Variants in KYAT1 observed in about 807,000 individuals in gnomAD.
KYAT1 encodes kynurenine--oxoglutarate transaminase 1.
In KYAT1, 47 loss-of-function variants were observed where a neutral mutation model predicts 52.4. The observed-to-expected ratio is 0.90, with a 90% CI of 0.71 to 1.14. KYAT1 has a LOEUF of 1.14. Ranked by LOEUF, KYAT1 falls within the 50% of genes most tolerant of loss-of-function variation. KYAT1 has a pLI of 0.00. For synonymous variants in KYAT1, 212 were observed against 209.6 expected, an observed-to-expected ratio of 1.01 and a Z score of -0.10; for missense variants, 480 against 557.9, an observed-to-expected ratio of 0.86 and a Z score of 1.41.
At chr9:128,856,489 T>C (rs918706427) in intron 1 of KYAT1, among the ~76,000 whole-genome samples, 17 of 152,172 alleles carry the variant, frequency 1.1e-4, no homozygotes, top group Admixed American at 2.6e-4. Flanking sequence ...TGTTACTGTG[T>C]CTATGTAGAA....
chr9:128,837,060 G>A (rs866875353), intron 6 of KYAT1, 138 bp from the exon 7 acceptor site: 8 of 1,070,016 alleles, frequency 7.5e-6, no homozygotes, highest in East Asian at 5.3e-5. Context: ...TTGGGAGGCC[G>A]AGGCGGGCGG....
At chr9:128,871,024 T>G (rs1204391737) in intron 1 of KYAT1, among the ~76,000 whole-genome samples, 3 of 152,036 alleles carry the variant, frequency 2.0e-5, no homozygotes, top group Non-Finnish European at 4.4e-5. Context: ...ATTTTTTAAA[T>G]TGTAGAGACA....
At chr9:128,880,917 T>C (rs1281559088) in intron 1 of KYAT1, among the ~76,000 whole-genome samples, 1 of 152,162 alleles carries the variant, frequency 6.6e-6, no homozygotes, top group Non-Finnish European at 1.5e-5. Flanking sequence ...GTGCACATGG[T>C]AGTAAATTTC....
rs1233303607 is a variant in KYAT1, at chr9:128,837,565, T to C, written c.567+120A>G. 7 of 1,184,592 alleles carry C rather than the reference T, an allele frequency of 5.9e-6. No homozygotes were observed. The Admixed American group carries it at 6.3e-5, about 11-fold the overall frequency. 73.4% of individuals were successfully genotyped at this position (1,184,592 alleles called of 1,614,324 possible). A position where few individuals can be genotyped will look rare whatever the true frequency, so the allele number is the denominator to read the frequency against. On this transcript the variant is annotated intron_variant, in intron 6 of 12. Transcript: ENST00000302586. ...CTGGAGTCTTGGTCCTCAGTGCTCA[T>C]TGTGTGTGGCCCTCCCACACACAAA...
At chr9:128,880,297 G>A (rs1838629410) in intron 1 of KYAT1, among the ~76,000 whole-genome samples, 1 of 152,142 alleles carries the variant, frequency 6.6e-6, no homozygotes, top group Non-Finnish European at 1.5e-5. Context: ...AATAGTTACT[G>A]GATGCCTGTT....
intron 1 of KYAT1, among the ~76,000 whole-genome samples, chr9:128,870,345 C>G (rs932322563): frequency 3.3e-5 from 5 of 152,102 alleles, no homozygotes; most frequent in Non-Finnish European, 2.9e-5. Flanking sequence ...TTAGATGAAC[C>G]TCAAAAATAT....
At chr9:128,847,632 C>T (rs1177797694) in intron 1 of KYAT1, 1 of 619,198 alleles carries the variant, frequency 1.6e-6, no homozygotes, top group Non-Finnish European at 2.8e-6. Context: ...CTTGGGTCCC[C>T]CACACACAGC....
At chr9:128,857,225 T>C (rs146038788) in intron 1 of KYAT1, among the ~76,000 whole-genome samples, 1 of 152,214 alleles carries the variant, frequency 6.6e-6, no homozygotes, top group East Asian at 1.9e-4. Context: ...TTCTCCTTAT[T>C]ATCACCCTGC....
chr9:128,855,345 G>A (rs1389961450), intron 1 of KYAT1, among the ~76,000 whole-genome samples: 4 of 152,174 alleles, frequency 2.6e-5, no homozygotes, highest in Non-Finnish European at 5.9e-5. Context: ...TGGAAATGGG[G>A]TGAAAAGGGG....
At chr9:128,851,588 A>C (rs576106785) in intron 1 of KYAT1, among the ~76,000 whole-genome samples, 4 of 152,362 alleles carry the variant, frequency 2.6e-5, no homozygotes, top group African/African-American at 9.6e-5. Flanking sequence ...CAAGTAGGGA[A>C]GGTAAAATCA....
chr9:128,845,487 C>T (rs1023681212), intron 1 of KYAT1, 76 bp from the exon 2 acceptor site: 70 of 1,356,614 alleles, frequency 5.2e-5, no homozygotes, highest in Admixed American at 6.9e-5. Flanking sequence ...ACAGGAGGGA[C>T]AGCTGCTTTC....
intron 1 of KYAT1, among the ~76,000 whole-genome samples, chr9:128,873,601 G>A (rs1479137865): frequency 2.0e-5 from 3 of 151,708 alleles, no homozygotes; most frequent in Non-Finnish European, 2.9e-5. Flanking sequence ...GTGAAATCCC[G>A]TCTCTACTAA....
Position 128,836,826 on chromosome 9 carries a change from C to A in KYAT1, c.664G>T (p.Asp222Tyr). 1 of 1,613,926 alleles carries A rather than the reference C, an allele frequency of 6.2e-7. No individual in the cohort carries two copies. Among genetic ancestry groups the A allele is most frequent in the Non-Finnish European group, 8.5e-7 (1 of 1,179,962 alleles). Residue 222 changes from aspartate (D) to tyrosine (Y), a missense_variant, in exon 7 of 13, where the codon GAC (aspartate) becomes TAC (tyrosine). Physicochemically the swap from Asp to Tyr is radical, Grantham distance 160 (BLOSUM62 -3). Coordinates refer to ENST00000302586, the MANE Select transcript of KYAT1 (RefSeq NM_004059.5). ...CCAATGCTGATGTGCTGGTGCCCGT[C>A]GTAGACCATCCACTGGTAGACTTCA... ...TDEVYQWMVYDGHQHISIASL... is the reference protein window; with the variant it reads ...TDEVYQWMVYYGHQHISIASL...
intron 1 of KYAT1, among the ~76,000 whole-genome samples, chr9:128,869,295 G>A (rs963879437): frequency 6.6e-6 from 1 of 151,888 alleles, no homozygotes; most frequent in South Asian, 2.1e-4. Context: ...CTGCATAGCT[G>A]GGACTACAGG....
chr9:128,836,192 T>C (rs912692388), intron 7 of KYAT1, 119 bp from the exon 8 acceptor site: 7 of 727,724 alleles, frequency 9.6e-6, no homozygotes, highest in Non-Finnish European at 1.6e-5. Flanking sequence ...CTCTACATAC[T>C]AAGTTATTTG....
At chr9:128,868,883 T>C (rs1164014632) in intron 1 of KYAT1, among the ~76,000 whole-genome samples, 1 of 151,968 alleles carries the variant, frequency 6.6e-6, no homozygotes, top group African/African-American at 2.4e-5. Context: ...GTTTTGTATT[T>C]TTAGTAGAGA....
At position 128,837,846 on chromosome 9, in the gene KYAT1, T is replaced by C. The variant is rs377417815; in HGVS notation, c.439-33A>G. The C allele has an allele frequency of 1.2e-5, 20 of 1,611,080 alleles. No individual in the cohort carries two copies. In the African/African-American group the frequency reaches 2.4e-4, roughly 19 times the overall value. On this transcript the variant is annotated intron_variant, in intron 5 of 12. Transcript: ENST00000302586. ...AGCAGGTGGCATGGGGTGGTACCACTTAACCACCTGACATGCAGGTCTTCC... is the reference window on the plus strand; with the variant it reads ...AGCAGGTGGCATGGGGTGGTACCACCTAACCACCTGACATGCAGGTCTTCC...
chr9:128,836,673 C>T, intron 7 of KYAT1, 129 bp downstream of exon 7: 1 of 1,089,110 alleles, frequency 9.2e-7, no homozygotes, highest in Non-Finnish European at 1.3e-6. Context: ...CTCTGGGAGG[C>T]AAAGGTCACA....
chr9:128,842,161 C>G (rs1004932513), intron 3 of KYAT1: 4 of 300,688 alleles, frequency 1.3e-5, no homozygotes, highest in East Asian at 1.1e-4. Context: ...CCATTGCACT[C>G]CAGCCTGGAT....
Sources: gnomAD v4.1 joint callset for allele counts (sites outside exome capture counted in the v4.1 genomes callset) on GRCh38, gnomAD v4.1.1 for gene constraint, MANE v1.5 for transcripts, NCBI Gene and HGNC (gene_info 2026-07-23, HGNC 2026-07-21) for gene names.